The following STARD13 variants were observed in gnomAD, a reference collection of about 807,000 sequenced individuals.
STARD13 encodes StAR related lipid transfer domain containing 13.
A neutral mutation model predicts 106.4 loss-of-function variants in STARD13; 62 were observed. The observed-to-expected ratio is 0.58, with a 90% CI of 0.48 to 0.72. The LOEUF (loss-of-function observed/expected upper bound fraction) is 0.72. Among genes scored for constraint, STARD13 ranks in the 30% least tolerant of loss-of-function variants. STARD13 has a pLI of 0.00. For synonymous variants in STARD13, 565 were observed against 553.0 expected, an observed-to-expected ratio of 1.02 and a Z score of -0.31; for missense variants, 1,387 against 1,424.0, an observed-to-expected ratio of 0.97 and a Z score of 0.42.
rs140877317 is a variant in STARD13 at position 33,249,853 on chromosome 13, C to T, written c.169+35617G>A. Among the ~76,000 whole-genome samples the T allele has an allele frequency of 2.7e-3, 417 of 152,168 alleles. 2 individuals carry two copies. Among genetic ancestry groups the T allele is most frequent in the African/African-American group, 9.7e-3 (401 of 41,516 alleles). On this transcript the variant is annotated intron_variant, in intron 1 of 13. Transcript: ENST00000336934. Reference sequence around the variant, plus strand: ...CACCCAGGCCAGAGTGCAGTGGCGCCATCTCGGCTCACTGCAACCTCTACC... The same window carrying T: ...CACCCAGGCCAGAGTGCAGTGGCGCTATCTCGGCTCACTGCAACCTCTACC...
At chr13:33,346,192 G>A (rs2078014960), downstream of STARD13, among the ~76,000 whole-genome samples, 2 of 152,208 alleles carry the variant, frequency 1.3e-5, no homozygotes, top group Admixed American at 1.3e-4. Flanking sequence ...CAACAACTAG[G>A]TGAGCGAGCT....
intron 1 of STARD13, among the ~76,000 whole-genome samples, chr13:33,245,709 G>A (rs988170358): frequency 2.0e-5 from 3 of 152,158 alleles, no homozygotes; most frequent in Non-Finnish European, 2.9e-5. Context: ...CAGAAAATAT[G>A]TTACTGATCT....
the STARD13 span, among the ~76,000 whole-genome samples, chr13:33,539,861 A>G: frequency 1.3e-5 from 2 of 152,254 alleles, no homozygotes. Flanking sequence ...TTTAAAAGAC[A>G]CTTTTAAGAA....
chr13:33,276,435 G>T (rs1201459831), intron 1 of STARD13, among the ~76,000 whole-genome samples: 3 of 152,098 alleles, frequency 2.0e-5, no homozygotes, highest in Non-Finnish European at 4.4e-5. Context: ...AGAATCGTTG[G>T]AATATCATTA....
chr13:33,151,185 A>T (rs1285809987), intron 3 of STARD13, among the ~76,000 whole-genome samples: 1 of 152,000 alleles, frequency 6.6e-6, no homozygotes, highest in South Asian at 2.1e-4. Flanking sequence ...AATTGCAAAT[A>T]TATGAAAAGG....
the STARD13 span, among the ~76,000 whole-genome samples, chr13:33,665,026 C>A: frequency 1.3e-5 from 2 of 152,328 alleles, no homozygotes; most frequent in Admixed American, 1.3e-4. Flanking sequence ...GCAAACGTCA[C>A]AATGACGAGA....
At chr13:33,621,931 AG>A in the STARD13 span, among the ~76,000 whole-genome samples, 2 of 150,778 alleles carry the variant, frequency 1.3e-5, no homozygotes, top group Non-Finnish European at 3.0e-5. Flanking sequence ...CAGCCTCCTG[AG>A]TAGCTGGGAT....
At chr13:33,215,951 G>A (rs888884859) in intron 1 of STARD13, among the ~76,000 whole-genome samples, 7 of 151,992 alleles carry the variant, frequency 4.6e-5, no homozygotes, top group South Asian at 2.1e-4. Context: ...GCCAACAAAC[G>A]TATACAAAAA....
chr13:33,236,539 A>G (rs746251399), intron 1 of STARD13, among the ~76,000 whole-genome samples: 3 of 152,244 alleles, frequency 2.0e-5, no homozygotes, highest in Non-Finnish European at 4.4e-5. Context: ...GCTAAATCAG[A>G]AGCTTTCAGC....
intron 7 of STARD13, among the ~76,000 whole-genome samples, chr13:33,125,278 C>G (rs956381454): frequency 6.6e-6 from 1 of 152,234 alleles, no homozygotes; most frequent in South Asian, 2.1e-4. Flanking sequence ...GGGACTATTA[C>G]AGAATAGCTG....
chr13:33,389,384 T>A, the STARD13 span, among the ~76,000 whole-genome samples: 1 of 152,036 alleles, frequency 6.6e-6, no homozygotes, highest in Non-Finnish European at 1.5e-5. Flanking sequence ...TCCCATCATT[T>A]GAGAGAGCTA....
intron 8 of STARD13, 34 bp downstream of exon 8, chr13:33,118,031 C>T (rs914956200): frequency 1.2e-6 from 2 of 1,610,174 alleles, no homozygotes; most frequent in Admixed American, 3.3e-5. Context: ...GGAAGGATGC[C>T]CACGAGAACA....
At chr13:33,481,085 T>G in the STARD13 span, among the ~76,000 whole-genome samples, 1 of 151,732 alleles carries the variant, frequency 6.6e-6, no homozygotes, top group Non-Finnish European at 1.5e-5. Context: ...AACTAATAAT[T>G]CACCACTAGA....
intron 3 of STARD13, among the ~76,000 whole-genome samples, chr13:33,161,111 C>A (rs904450866): frequency 6.6e-6 from 1 of 152,066 alleles, no homozygotes; most frequent in Admixed American, 6.6e-5. Context: ...AAACACATAG[C>A]AACATAAATG....
At chr13:33,405,378 G>A in the STARD13 span, among the ~76,000 whole-genome samples, 69 of 152,354 alleles carry the variant, frequency 4.5e-4, no homozygotes, top group African/African-American at 1.4e-3. Flanking sequence ...CCCCTCACTT[G>A]TGGGTGCTCA....
the STARD13 span, among the ~76,000 whole-genome samples, chr13:33,444,081 T>C: frequency 2.6e-5 from 4 of 152,142 alleles, no homozygotes; most frequent in African/African-American, 9.7e-5. Context: ...ATGTCACTTA[T>C]TCACTGATGT....
the STARD13 span, among the ~76,000 whole-genome samples, chr13:33,398,748 C>G: frequency 5.9e-5 from 9 of 152,282 alleles, no homozygotes; most frequent in East Asian, 3.9e-4. Context: ...CAATGAGATA[C>G]CACTGTACAC....
At chr13:33,586,522 C>T in the STARD13 span, among the ~76,000 whole-genome samples, 7 of 152,112 alleles carry the variant, frequency 4.6e-5, no homozygotes, top group Non-Finnish European at 1.0e-4. Context: ...AGTGGATTTC[C>T]AATTCTCAAT....
chr13:33,226,687 G>A (rs1009778044), intron 1 of STARD13, among the ~76,000 whole-genome samples: 2 of 151,956 alleles, frequency 1.3e-5, no homozygotes, highest in African/African-American at 2.4e-5. Flanking sequence ...TGCCCACCTC[G>A]ACCTCCCAAA....
Sources: allele counts gnomAD v4.1 joint callset (sites outside exome capture counted in the v4.1 genomes callset), GRCh38; gene constraint gnomAD v4.1.1; transcripts MANE v1.5; gene names NCBI Gene and HGNC (gene_info 2026-07-23, HGNC 2026-07-21).